The following ANKUB1 variants were observed in gnomAD, a reference collection of about 807,000 sequenced individuals.
The protein encoded by ANKUB1 is protein ANKUB1.
A neutral mutation model predicts 49.3 loss-of-function variants in ANKUB1; 42 were observed. The observed-to-expected ratio is 0.85, with a 90% CI of 0.67 to 1.10. The LOEUF (loss-of-function observed/expected upper bound fraction) is 1.10. ANKUB1 is among the 50% of genes least tolerant of loss of function. The probability of loss-of-function intolerance (pLI) is 0.00; values close to 1 mark genes in which losing one functional copy is unlikely to be tolerated. For missense variants in ANKUB1, 613 were observed against 642.0 expected (o/e 0.95, Z 0.49); for synonymous variants, 222 against 231.0 (o/e 0.96, Z 0.35).
chr3:149,788,836 G>T (rs548241498), intron 2 of ANKUB1, among the ~76,000 whole-genome samples: 15 of 152,062 alleles, frequency 9.9e-5, no homozygotes, highest in South Asian at 2.1e-4. Context: ...GAGTACAGTG[G>T]GGTGATCTCG....
intron 5 of ANKUB1, among the ~76,000 whole-genome samples, chr3:149,762,863 T>A (rs2108259830): frequency 6.6e-6 from 1 of 152,336 alleles, no homozygotes; most frequent in East Asian, 1.9e-4. Context: ...CTAGGATGAC[T>A]TTTGCAAATC....
chr3:149,767,074 A>G, intron 5 of ANKUB1, 83 bp downstream of exon 5: 2 of 1,289,802 alleles, frequency 1.6e-6, no homozygotes, highest in Non-Finnish European at 2.1e-6. Context: ...TCAGTGGCAT[A>G]GTAGGGCATT....
intron 4 of ANKUB1, 112 bp downstream of exon 4, chr3:149,770,448 C>G: frequency 1.3e-6 from 1 of 741,932 alleles, no homozygotes; most frequent in Non-Finnish European, 2.3e-6. Flanking sequence ...GTGGAACTGG[C>G]ATAGAGCAGC....
At chr3:149,786,266 A>T (rs1318255214) in intron 2 of ANKUB1, among the ~76,000 whole-genome samples, 1 of 152,094 alleles carries the variant, frequency 6.6e-6, no homozygotes, top group Non-Finnish European at 1.5e-5. Context: ...CGAGCTCCTG[A>T]CCTCATGATC....
intron 3 of ANKUB1, among the ~76,000 whole-genome samples, chr3:149,777,198 G>A (rs954771642): frequency 2.0e-5 from 3 of 152,150 alleles, no homozygotes; most frequent in African/African-American, 7.2e-5. Context: ...TCTAGGCCGG[G>A]TGTGGTGGCT....
At chr3:149,788,950 T>C (rs1422132116) in intron 2 of ANKUB1, among the ~76,000 whole-genome samples, 1 of 151,960 alleles carries the variant, frequency 6.6e-6, no homozygotes, top group Non-Finnish European at 1.5e-5. Context: ...AATTTTTGTA[T>C]TTTTATTGGA....
chr3:149,773,195 A>G lies in ANKUB1; in HGVS notation c.452-2521T>C, dbSNP rs553080997. 2.1e-4 allele frequency among the ~76,000 whole-genome samples: 32 copies of G among 152,154 alleles called. 1 individual carries two copies. The South Asian group carries it at 3.5e-3, about 17-fold the overall frequency. On this transcript the variant is annotated intron_variant, in intron 3 of 5. Coordinates refer to ENST00000446160, the MANE Select transcript of ANKUB1 (RefSeq NM_001144960.3). ...TCCTTCTTGCCTCCTCTGTACACGAACACGACAAAGGATATCTCCCTGCCA... is the reference window on the plus strand; with the variant it reads ...TCCTTCTTGCCTCCTCTGTACACGAGCACGACAAAGGATATCTCCCTGCCA...
Position 149,767,920 on chromosome 3 carries a change from C to G in ANKUB1, c.742G>C (p.Ala248Pro). 1.3e-6 allele frequency: 2 copies of G among 1,550,268 alleles called. No individual in the cohort carries two copies. Among genetic ancestry groups the G allele is most frequent in the South Asian group, 2.4e-5 (2 of 84,016 alleles). The change falls in exon 5 of 6, where the codon GCA (alanine) becomes CCA (proline). Residue 248 changes from alanine to proline, a missense_variant. By Grantham distance (27) the Ala-to-Pro change is conservative (BLOSUM62 -1). Coordinates refer to ENST00000446160, the MANE Select transcript of ANKUB1 (RefSeq NM_001144960.3). ...DVSKCPIHAA[A>P]EAGQLLILKA... is the part of the protein sequence containing the mutation. ...AGAATCAACAGTTGGCCTGCTTCTG[C>G]GGCTGCATGAATGGGGCATTTAGAG...
intron 3 of ANKUB1, among the ~76,000 whole-genome samples, chr3:149,777,190 T>C (rs1471545226): frequency 6.6e-6 from 1 of 151,758 alleles, no homozygotes; most frequent in African/African-American, 2.4e-5. Context: ...ACTCCTGTTC[T>C]AGGCCGGGTG....
intron 5 of ANKUB1, among the ~76,000 whole-genome samples, chr3:149,766,313 T>C (rs1415926119): frequency 6.6e-6 from 1 of 152,216 alleles, no homozygotes; most frequent in Non-Finnish European, 1.5e-5. Context: ...TTCAAGTCTT[T>C]AATCATTCAA....
intron 3 of ANKUB1, among the ~76,000 whole-genome samples, chr3:149,772,554 C>T (rs1467042336): frequency 6.6e-6 from 1 of 152,194 alleles, no homozygotes; most frequent in African/African-American, 2.4e-5. Context: ...ATCTAAATAG[C>T]CTCCCATCAG....
At chr3:149,776,000 T>C (rs1165304317) in intron 3 of ANKUB1, among the ~76,000 whole-genome samples, 1 of 152,202 alleles carries the variant, frequency 6.6e-6, no homozygotes, top group African/African-American at 2.4e-5. Context: ...GATATACTTA[T>C]CATGATAGAT....
chr3:149,770,516 A>T (rs1174512860), intron 4 of ANKUB1, 44 bp downstream of exon 4: 1 of 1,410,670 alleles, frequency 7.1e-7, no homozygotes, highest in Admixed American at 2.0e-5. Flanking sequence ...GTTTAGTAAA[A>T]ATCACAGCAC....
intron 3 of ANKUB1, among the ~76,000 whole-genome samples, chr3:149,775,521 G>T (rs552858173): frequency 5.9e-5 from 9 of 152,146 alleles, no homozygotes; most frequent in Admixed American, 6.5e-5. Flanking sequence ...GAGCCTAAAG[G>T]TTAGTAAAAG....
chr3:149,787,198 T>C (rs374953435), intron 2 of ANKUB1, among the ~76,000 whole-genome samples: 2 of 152,214 alleles, frequency 1.3e-5, no homozygotes, highest in Admixed American at 6.5e-5. Flanking sequence ...ATTCTTCCTA[T>C]CCATGAGCAT....
At chr3:149,770,337 G>A (rs1277063989) in intron 4 of ANKUB1, among the ~76,000 whole-genome samples, 3 of 152,100 alleles carry the variant, frequency 2.0e-5, no homozygotes, top group Non-Finnish European at 4.4e-5. Context: ...TATTTCCTGA[G>A]GAAAGTCTAC....
chr3:149,772,764 G>A (rs1206398845), intron 3 of ANKUB1, among the ~76,000 whole-genome samples: 1 of 152,162 alleles, frequency 6.6e-6, no homozygotes, highest in African/African-American at 2.4e-5. Flanking sequence ...CACTCAGTAA[G>A]TATTTGTTGA....
At chr3:149,771,507 T>C (rs556021737) in intron 3 of ANKUB1, among the ~76,000 whole-genome samples, 1 of 152,332 alleles carries the variant, frequency 6.6e-6, no homozygotes, top group Non-Finnish European at 1.5e-5. Context: ...GTGTCCTTTT[T>C]ATTCAGTTTT....
chr3:149,771,092 T>A (rs899270878), intron 3 of ANKUB1, among the ~76,000 whole-genome samples: 1 of 152,240 alleles, frequency 6.6e-6, no homozygotes, highest in Non-Finnish European at 1.5e-5. Flanking sequence ...AGTGGAAAGA[T>A]GCTCACCAGC....
Sources: allele counts gnomAD v4.1 joint callset (sites outside exome capture counted in the v4.1 genomes callset), GRCh38; gene constraint gnomAD v4.1.1; transcripts MANE v1.5; gene names NCBI Gene and HGNC (gene_info 2026-07-23, HGNC 2026-07-21).